Variants in VPS45 observed in about 807,000 individuals in gnomAD.
The protein encoded by VPS45 is vacuolar protein sorting-associated protein 45.
A neutral mutation model predicts 75.9 loss-of-function variants in VPS45; 35 were observed. The observed-to-expected ratio is 0.46, with a 90% CI of 0.35 to 0.61. The LOEUF (loss-of-function observed/expected upper bound fraction) is 0.61. Among genes scored for constraint, VPS45 ranks in the 20% least tolerant of loss-of-function variants. The pLI, the probability that VPS45 is intolerant of heterozygous loss-of-function variation, is 0.00. For synonymous variants in VPS45, 220 were observed against 238.2 expected (o/e 0.92, Z 0.70); for missense variants, 559 against 685.9 (o/e 0.81, Z 2.07).
chr1:150,074,189 A>AT (rs201769442), intron 3 of VPS45, among the ~76,000 whole-genome samples: 3,721 of 149,426 alleles, frequency 0.025, 143 homozygotes, highest in African/African-American at 0.085. Context: ...TAATTTTTGT[A>AT]TTTTTTTTTA....
In VPS45 at chr1:150,094,545, G is replaced by GAA. The variant is rs200019764; in HGVS notation, c.1493+905_1493+906dup. On this transcript the variant is annotated intron_variant, in intron 13 of 14. Transcript: ENST00000644510. Reference sequence around the variant, plus strand: ...TTTTTCTGTAATTTGGTACAGAACAGAAAAAAAAATCATCTTTTAAAAGTC... The same window carrying GAA: ...TTTTTCTGTAATTTGGTACAGAACAGAAAAAAAAAAATCATCTTTTAAAAGTC... 1.3e-3 allele frequency among the ~76,000 whole-genome samples: 194 copies of GAA among 151,396 alleles called. 1 individual carries two copies. The highest frequency in any genetic ancestry group is 6.8e-3 in the Middle Eastern group (2 of 292).
chr1:150,144,691 C>G lies in VPS45; in HGVS notation c.1626-18C>G. 1 of 1,598,142 alleles carries G rather than the reference C, an allele frequency of 6.3e-7. No individual in the cohort carries two copies. The highest frequency in any genetic ancestry group is 1.7e-4 in the Middle Eastern group (1 of 5,958). On this transcript the variant is annotated intron_variant, in intron 14 of 14. Coordinates refer to ENST00000644510, the MANE Select transcript of VPS45 (RefSeq NM_007259.5). ...TGCTTTTGTTTTTTCCTTCAAGTAA[C>G]CTCAAACTACTTATCAGTTTCCTAG... is the stretch of plus-strand genomic sequence containing the variant.
chr1:150,078,764 A>AAAAT (rs1185204551), intron 7 of VPS45, among the ~76,000 whole-genome samples: 13 of 151,920 alleles, frequency 8.6e-5, no homozygotes, highest in South Asian at 6.2e-4. Context: ...TCCGTCTCCA[A>AAAAT]AAATAAATAA....
At chr1:150,140,353 T>C (rs1659320398) in intron 14 of VPS45, among the ~76,000 whole-genome samples, 1 of 151,824 alleles carries the variant, frequency 6.6e-6, no homozygotes, top group African/African-American at 2.4e-5. Flanking sequence ...GAAGCCAGAT[T>C]GCCTGGGATT....
intron 2 of VPS45, among the ~76,000 whole-genome samples, chr1:150,069,356 T>G (rs1654900200): frequency 6.6e-6 from 1 of 152,136 alleles, no homozygotes. Flanking sequence ...TTGCACTGAT[T>G]AAAAGTTCTT....
Position 150,144,776 on chromosome 1 carries a change from A to G in VPS45, c.1693A>G (p.Arg565Gly), listed in dbSNP as rs782644893. ...RSKESSQVTS[R>G]SASRR Reference sequence around the variant, plus strand: ...CAAGGAGAGCTCTCAAGTCACATCAAGGTCAGCGAGCAGAAGATGAAACGG... The same window carrying G: ...CAAGGAGAGCTCTCAAGTCACATCAGGGTCAGCGAGCAGAAGATGAAACGG... The change falls in exon 15 of 15, where the codon AGG becomes GGG. Residue 565 changes from arginine to glycine, a missense_variant. By Grantham distance (125) the Arg-to-Gly change is moderately radical. Coordinates refer to ENST00000644510, the MANE Select transcript of VPS45 (RefSeq NM_007259.5). 72 of 1,614,090 alleles carry G rather than the reference A, an allele frequency of 4.5e-5. No individual in the cohort carries two copies. The highest frequency in any genetic ancestry group is 5.8e-5 in the Non-Finnish European group (69 of 1,180,044).
chr1:150,107,685 G>A (rs1286458178), intron 13 of VPS45, among the ~76,000 whole-genome samples: 1 of 152,156 alleles, frequency 6.6e-6, no homozygotes, highest in African/African-American at 2.4e-5. Context: ...ATCACCTGAG[G>A]TCAGGAGTTC....
rs587638052 is a variant in VPS45 at position 150,125,543 on chromosome 1, C to T, written c.1625+14916C>T. Among the ~76,000 whole-genome samples the T allele has an allele frequency of 1.9e-3, 255 of 135,860 alleles. 2 individuals are homozygous for T. Among genetic ancestry groups the T allele is most frequent in the African/African-American group, 6.6e-3 (241 of 36,506 alleles). 89.1% of individuals were successfully genotyped at this position (135,860 alleles called of 152,430 possible). On this transcript the variant is annotated intron_variant, in intron 14 of 14. Coordinates refer to ENST00000644510, the MANE Select transcript of VPS45 (RefSeq NM_007259.5). ...GAAACCATCATTCTGAGCAAACTAT[C>T]GCAAGGACAAAAAACCAAACACCAC...
rs3736082 is a variant in VPS45 at position 150,082,937 on chromosome 1, G to A, written c.1104+54G>A. ...TGTGTAAGGCACTGTGCCAGGCAGA[G>A]CAAGAGATAAAAAGGCAAGTAATCC... On this transcript the variant is annotated intron_variant, in intron 10 of 14. Coordinates refer to ENST00000644510, the MANE Select transcript of VPS45 (RefSeq NM_007259.5). The A allele has an allele frequency of 0.081, 121,166 of 1,499,374 alleles. 6,307 individuals are homozygous for A. The highest frequency in any genetic ancestry group is 0.27 in the East Asian group (11,263 of 41,146). The allele number at this position is 1,499,374 out of a possible 1,614,324, so 92.9% of individuals were successfully genotyped here. A position where few individuals can be genotyped will look rare whatever the true frequency, so the allele number is the denominator to read the frequency against.
chr1:150,129,845 G>A lies in VPS45; in HGVS notation c.1626-14864G>A, dbSNP rs587751752. Among the ~76,000 whole-genome samples, 74 of 115,402 alleles carry A rather than the reference G, an allele frequency of 6.4e-4. No individual in the cohort carries two copies. In the South Asian group the frequency reaches 0.022, roughly 35 times the overall value. The allele number at this position is 115,402 out of a possible 152,430, so 75.7% of individuals were successfully genotyped here. A position where few individuals can be genotyped will look rare whatever the true frequency, so the allele number is the denominator to read the frequency against. On this transcript the variant is annotated intron_variant, in intron 14 of 14. Transcript: ENST00000644510. ...TGGGATTACAGGCATGAGCCACCACGCCTGGCCAATTTTTTTTTTTTTTTA... is the reference window on the plus strand; with the variant it reads ...TGGGATTACAGGCATGAGCCACCACACCTGGCCAATTTTTTTTTTTTTTTA...
intron 14 of VPS45, among the ~76,000 whole-genome samples, chr1:150,132,394 T>A (rs57788184): frequency 0.025 from 3,741 of 152,278 alleles, 147 homozygotes; most frequent in African/African-American, 0.084. Context: ...ATTTCCAGTA[T>A]TATCTATATT....
rs1396049235 is a variant in VPS45, at chr1:150,079,082, G to T, written c.687+1303G>T. Among the ~76,000 whole-genome samples, 3 of 142,852 alleles carry T rather than the reference G, an allele frequency of 2.1e-5. No homozygotes were observed. In the Admixed American group the frequency reaches 2.2e-4, roughly 10 times the overall value. The allele number at this position is 142,852 out of a possible 152,430, so 93.7% of individuals were successfully genotyped here. Reference sequence around the variant, plus strand: ...ACCGAGATCATGCCACTGTCCTCCAGCCTGGGCAACGAGAGCGAAACTCTT... The same window carrying T: ...ACCGAGATCATGCCACTGTCCTCCATCCTGGGCAACGAGAGCGAAACTCTT... On this transcript the variant is annotated intron_variant, in intron 7 of 14. Coordinates refer to ENST00000644510, the MANE Select transcript of VPS45 (RefSeq NM_007259.5).
At chr1:150,140,386 G>GGGGTGTGTGT (rs1553815016) in intron 14 of VPS45, among the ~76,000 whole-genome samples, 1 of 140,346 alleles carries the variant, frequency 7.1e-6, no homozygotes, top group African/African-American at 2.7e-5. Context: ...CATCACTTCT[G>GGGGTGTGTGT]GTGTGTGTGT....
At chr1:150,082,622 A>AAAC in intron 9 of VPS45, 94 bp from the exon 10 acceptor site, 1 of 1,484,220 alleles carries the variant, frequency 6.7e-7, no homozygotes, top group Non-Finnish European at 9.0e-7. Flanking sequence ...CTGGGCTGAA[A>AAAC]AACAACCCCC....
intron 14 of VPS45, among the ~76,000 whole-genome samples, chr1:150,114,391 C>A (rs370196818): frequency 6.6e-6 from 1 of 151,126 alleles, no homozygotes; most frequent in African/African-American, 2.4e-5. Context: ...TTGCTTGAAC[C>A]GGGGAGGTGG....
rs1371484054 is a variant in VPS45, at chr1:150,108,442, A to G, written c.1494-2054A>G. ...ATTTTGGTTAATTTAAATTTAAATA[A>G]CCATAAGTGACAAGTGGTCACTATA... On this transcript the variant is annotated intron_variant, in intron 13 of 14. Transcript: ENST00000644510. 2.0e-5 allele frequency among the ~76,000 whole-genome samples: 3 copies of G among 152,200 alleles called. No homozygotes were observed. The South Asian group carries it at 6.2e-4, about 31-fold the overall frequency.
intron 14 of VPS45, among the ~76,000 whole-genome samples, chr1:150,137,718 C>T (rs781812789): frequency 6.6e-6 from 1 of 152,094 alleles, no homozygotes; most frequent in Non-Finnish European, 1.5e-5. Context: ...AGTTTGAGAC[C>T]AGCCTGGGCA....
intron 10 of VPS45, among the ~76,000 whole-genome samples, chr1:150,088,434 A>AATATATATATATATATATATATATATAT (rs200780573): frequency 2.0e-4 from 25 of 125,518 alleles, no homozygotes; most frequent in African/African-American, 7.1e-4. Context: ...CTGAATAATA[A>AATATATATATATATATATATATATATAT]ATATATATAT....
intron 9 of VPS45, 31 bp from the exon 10 acceptor site, chr1:150,082,683 CAG>C: frequency 1.9e-6 from 3 of 1,597,472 alleles, no homozygotes; most frequent in African/African-American, 2.7e-5. Flanking sequence ...CAAAAAATAA[CAG>C]AACCTCCCAT....
Sources: gnomAD v4.1 joint callset for allele counts (sites outside exome capture counted in the v4.1 genomes callset) on GRCh38, gnomAD v4.1.1 for gene constraint, MANE v1.5 for transcripts, NCBI Gene and HGNC (gene_info 2026-07-23, HGNC 2026-07-21) for gene names.